SLC35D2: variants seen among roughly 807,000 people sequenced by gnomAD.
SLC35D2 encodes the protein solute carrier family 35 member D2.
A neutral mutation model predicts 41.8 loss-of-function variants in SLC35D2; 43 were observed. The ratio of observed to expected loss-of-function variants is 1.03; its 90% CI spans 0.81 to 1.33. The LOEUF is 1.33. Ranked by LOEUF, SLC35D2 falls within the 40% of genes most tolerant of loss-of-function variation. The probability of loss-of-function intolerance (pLI) is 0.00; values close to 1 mark genes in which losing one functional copy is unlikely to be tolerated. For synonymous variants in SLC35D2, 150 were observed against 163.9 expected, an observed-to-expected ratio of 0.92 and a Z score of 0.65; for missense variants, 380 against 408.4, an observed-to-expected ratio of 0.93 and a Z score of 0.60.
At chr9:96,315,976 A>G (rs913043083), downstream of SLC35D2, among the ~76,000 whole-genome samples, 1 of 152,228 alleles carries the variant, frequency 6.6e-6, no homozygotes, top group Non-Finnish European at 1.5e-5. Flanking sequence ...TAGGGTATAA[A>G]TGGTTTTTCT....
At chr9:96,361,957 G>A (rs966194998) in intron 3 of SLC35D2, among the ~76,000 whole-genome samples, 11 of 152,124 alleles carry the variant, frequency 7.2e-5, no homozygotes, top group South Asian at 4.1e-4. Context: ...ACACATGTAC[G>A]CCAGGGTCCA....
At chr9:96,315,104 C>T (rs7022202) in intron 11 of SLC35D2, among the ~76,000 whole-genome samples, 81,319 of 152,022 alleles carry the variant, frequency 0.53, 21,982 homozygotes, top group African/African-American at 0.6. Flanking sequence ...ACTCCTCACG[C>T]TGCCATCTGA....
At chr9:96,319,505 T>A (rs1244111310), downstream of SLC35D2, among the ~76,000 whole-genome samples, 1 of 151,136 alleles carries the variant, frequency 6.6e-6, no homozygotes, top group African/African-American at 2.4e-5. Flanking sequence ...TACCACAATT[T>A]AAAAAAAAAG....
chr9:96,332,079 C>T (rs1160456355), intron 9 of SLC35D2, among the ~76,000 whole-genome samples: 1 of 152,130 alleles, frequency 6.6e-6, no homozygotes, highest in Non-Finnish European at 1.5e-5. Flanking sequence ...ACCATTCTGT[C>T]GGCTTCTTAA....
chr9:96,361,812 G>C (rs1348865415), intron 3 of SLC35D2, among the ~76,000 whole-genome samples: 1 of 152,066 alleles, frequency 6.6e-6, no homozygotes, highest in Non-Finnish European at 1.5e-5. Context: ...TGTAAGCCAG[G>C]ACGCAAAGCC....
chr9:96,324,983 A>G (rs1471792215), intron 9 of SLC35D2, among the ~76,000 whole-genome samples: 1 of 152,248 alleles, frequency 6.6e-6, no homozygotes, highest in Non-Finnish European at 1.5e-5. Context: ...TAGCCAGAGC[A>G]GAGGACCTCT....
At chr9:96,315,888 G>T (rs928250641), downstream of SLC35D2, among the ~76,000 whole-genome samples, 21 of 152,168 alleles carry the variant, frequency 1.4e-4, no homozygotes, top group Non-Finnish European at 2.4e-4. Context: ...TTAATGTGAT[G>T]TACTGAAAAT....
At chr9:96,336,155 A>G (rs1829043259) in intron 9 of SLC35D2, among the ~76,000 whole-genome samples, 1 of 152,316 alleles carries the variant, frequency 6.6e-6, no homozygotes, top group East Asian at 1.9e-4. Flanking sequence ...TCCTGAATAT[A>G]GCAGGTATAG....
intron 6 of SLC35D2, among the ~76,000 whole-genome samples, chr9:96,346,799 C>G (rs1285638424): frequency 2.0e-5 from 3 of 150,026 alleles, no homozygotes; most frequent in Non-Finnish European, 3.0e-5. Context: ...TTTTAGTCAT[C>G]ATAAGTCAGA....
In SLC35D2 at chr9:96,364,502, T is replaced by C; in HGVS notation, c.241A>G (p.Ile81Val). 1 of 1,606,672 alleles carries C rather than the reference T, an allele frequency of 6.2e-7. No homozygotes were observed. The highest frequency in any genetic ancestry group is 8.5e-7 in the Non-Finnish European group (1 of 1,173,876). Reference protein sequence around the residue: ...ILYVSKLNKIIHFPDFDKKIP... With the variant: ...ILYVSKLNKIVHFPDFDKKIP... Reference sequence around the variant, plus strand: ...TTCTTATCAAAATCAGGGAAGTGAATGATTTTGTTTAGCTTGGACACATAT... The same window carrying C: ...TTCTTATCAAAATCAGGGAAGTGAACGATTTTGTTTAGCTTGGACACATAT... The change falls in exon 3 of 12, where the codon ATT becomes GTT. Residue 81 changes from isoleucine (I) to valine (V), a missense_variant. Transcript: ENST00000253270.
chr9:96,370,758 A>G (rs1415345436), intron 1 of SLC35D2, among the ~76,000 whole-genome samples: 1 of 152,210 alleles, frequency 6.6e-6, no homozygotes, highest in East Asian at 1.9e-4. Context: ...AATTTAATGC[A>G]TGGAAGAGAA....
intron 6 of SLC35D2, among the ~76,000 whole-genome samples, chr9:96,348,364 T>C (rs1031210652): frequency 6.6e-6 from 1 of 152,176 alleles, no homozygotes; most frequent in African/African-American, 2.4e-5. Flanking sequence ...AAGTGCCCTC[T>C]GAGGCAGGGA....
At chr9:96,336,467 T>C (rs944477620) in intron 9 of SLC35D2, among the ~76,000 whole-genome samples, 1 of 152,190 alleles carries the variant, frequency 6.6e-6, no homozygotes, top group Non-Finnish European at 1.5e-5. Context: ...ATAGGCAACA[T>C]CATATTTTGA....
At chr9:96,351,004 C>A in intron 6 of SLC35D2, 99 bp downstream of exon 6, 1 of 911,330 alleles carries the variant, frequency 1.1e-6, no homozygotes, top group Non-Finnish European at 1.8e-6. Context: ...CTGCTCAATT[C>A]AACAGCAGCC....
At chr9:96,381,455 C>T (rs1320805457) in intron 1 of SLC35D2, among the ~76,000 whole-genome samples, 2 of 152,150 alleles carry the variant, frequency 1.3e-5, no homozygotes, top group African/African-American at 4.8e-5. Flanking sequence ...GAATGCTCTT[C>T]CCCCGTCCCC....
At chr9:96,360,129 C>T (rs375456773) in intron 4 of SLC35D2, 25 bp downstream of exon 4, 6 of 1,588,722 alleles carry the variant, frequency 3.8e-6, no homozygotes, top group Non-Finnish European at 5.2e-6. Flanking sequence ...AGGAACTTTC[C>T]ACCAGCCATT....
At chr9:96,382,433 AAC>A (rs1564133832) in intron 1 of SLC35D2, among the ~76,000 whole-genome samples, 1 of 150,602 alleles carries the variant, frequency 6.6e-6, no homozygotes, top group Admixed American at 6.7e-5. Flanking sequence ...CAGCCTAGGC[AAC>A]AGAGTGAAAC....
At chr9:96,354,504 C>T (rs527774142) in intron 4 of SLC35D2, among the ~76,000 whole-genome samples, 14 of 152,300 alleles carry the variant, frequency 9.2e-5, no homozygotes, top group South Asian at 2.1e-4. Context: ...CAGTGGCTCA[C>T]GCCTGTAATC....
intron 5 of SLC35D2, 81 bp downstream of exon 5, chr9:96,351,957 A>G (rs1379444977): frequency 1.2e-6 from 1 of 824,180 alleles, no homozygotes. Context: ...TGCAACTAGC[A>G]ATGGCTACTA....
Sources: gnomAD v4.1 joint callset for allele counts (sites outside exome capture counted in the v4.1 genomes callset) on GRCh38, gnomAD v4.1.1 for gene constraint, MANE v1.5 for transcripts, NCBI Gene and HGNC (gene_info 2026-07-23, HGNC 2026-07-21) for gene names.